The following ANXA1 variants were observed in gnomAD, a reference collection of about 807,000 sequenced individuals.
ANXA1 encodes annexin I (lipocortin I).
In ANXA1, 39 loss-of-function variants were observed where a neutral mutation model predicts 47.9. The observed-to-expected ratio is 0.81, with a 90% confidence interval of 0.63 to 1.06. ANXA1 has a LOEUF of 1.06. ANXA1 is among the 50% of genes least tolerant of loss of function. ANXA1 has a pLI of 0.00. For missense variants in ANXA1, 446 were observed against 422.7 expected (o/e 1.06, Z -0.48); for synonymous variants, 146 against 142.5 (o/e 1.02, Z -0.17).
At chr9:73,167,987 T>C (rs924733900) in intron 11 of ANXA1, 2 of 162,212 alleles carry the variant, frequency 1.2e-5, no homozygotes, top group African/African-American at 4.8e-5. Context: ...TGTCATTCTA[T>C]GATTAAGGAT....
intron 8 of ANXA1, among the ~76,000 whole-genome samples, chr9:73,164,683 CAG>C (rs1365815148): frequency 6.6e-6 from 1 of 152,072 alleles, no homozygotes; most frequent in Non-Finnish European, 1.5e-5. Flanking sequence ...TTTGAAATTG[CAG>C]AGTCAGAATT....
rs928127817 is a variant in ANXA1 at position 73,158,444 on chromosome 9, T to C, written c.-14-78T>C. 6.2e-5 allele frequency: 65 copies of C among 1,051,148 alleles called. 1 individual carries two copies. Among genetic ancestry groups the C allele is most frequent in the South Asian group, 7.9e-5 (6 of 76,338 alleles). 65.1% of individuals were successfully genotyped at this position (1,051,148 alleles called of 1,614,324 possible). ...GGCTACTCTCTAATGCTAACTCTTA[T>C]GTATGTAAGAGGTGAGGAAGGAGAG... On this transcript the variant is annotated intron_variant, in intron 1 of 12. Transcript: ENST00000257497.
intron 10 of ANXA1, among the ~76,000 whole-genome samples, chr9:73,167,080 C>T (rs1362258994): frequency 6.6e-6 from 1 of 152,040 alleles, no homozygotes; most frequent in African/African-American, 2.4e-5. Flanking sequence ...TGACCAATGC[C>T]CCTTCTCTCC....
chr9:73,163,357 A>C, intron 7 of ANXA1, 119 bp from the exon 8 acceptor site: 1 of 955,430 alleles, frequency 1.0e-6, no homozygotes, highest in South Asian at 1.6e-5. Context: ...TCCTTCTAGA[A>C]ATGAGTAATA....
chr9:73,168,141 G>C (rs1449313115), intron 11 of ANXA1: 1 of 151,882 alleles, frequency 6.6e-6, no homozygotes, highest in East Asian at 1.9e-4. Context: ...TTTCTTTGCA[G>C]CTCCAAAATA....
At chr9:73,166,345 AG>A (rs1238374930) in intron 10 of ANXA1, among the ~76,000 whole-genome samples, 153 bp downstream of exon 10, 1 of 152,196 alleles carries the variant, frequency 6.6e-6, no homozygotes, top group Non-Finnish European at 1.5e-5. Flanking sequence ...GCAACGTAAA[AG>A]ATTGGCAAAG....
chr9:73,159,908 A>C (rs1824109650), intron 4 of ANXA1: 1 of 163,108 alleles, frequency 6.1e-6, no homozygotes, highest in Non-Finnish European at 1.3e-5. Context: ...CAAACCTCAA[A>C]GATTGGAAAC....
At chr9:73,154,590 C>A (rs1393304069) in intron 1 of ANXA1, among the ~76,000 whole-genome samples, 1 of 152,112 alleles carries the variant, frequency 6.6e-6, no homozygotes, top group Non-Finnish European at 1.5e-5. Context: ...AGGTGCACAC[C>A]ACCATGCCTG....
intron 1 of ANXA1, among the ~76,000 whole-genome samples, chr9:73,152,715 G>C (rs1047081251): frequency 6.6e-6 from 1 of 152,122 alleles, no homozygotes; most frequent in Non-Finnish European, 1.5e-5. Flanking sequence ...ATTGTTGCAT[G>C]AGCTAATGGC....
intron 1 of ANXA1, 90 bp from the exon 2 acceptor site, chr9:73,158,432 T>C (rs1246491498): frequency 2.1e-6 from 2 of 962,618 alleles, no homozygotes; most frequent in East Asian, 5.0e-5. Flanking sequence ...TACTCTCTAA[T>C]GCTAACTCTT....
intron 11 of ANXA1, chr9:73,168,492 G>C (rs1348951864): frequency 1.3e-5 from 2 of 152,296 alleles, no homozygotes; most frequent in Admixed American, 1.3e-4. Flanking sequence ...GATAAAGCAA[G>C]GGTGGTCCAA....
chr9:73,152,313 G>A (rs1030442048), intron 1 of ANXA1, among the ~76,000 whole-genome samples: 1 of 152,094 alleles, frequency 6.6e-6, no homozygotes, highest in Non-Finnish European at 1.5e-5. Context: ...AATCGTGATG[G>A]GGGCTGCTTT....
intron 8 of ANXA1, among the ~76,000 whole-genome samples, 174 bp from the exon 9 acceptor site, chr9:73,164,942 T>A (rs1824202015): frequency 1.3e-5 from 2 of 152,170 alleles, no homozygotes; most frequent in Non-Finnish European, 2.9e-5. Context: ...TGGAAGATAT[T>A]TGACAAACAA....
At chr9:73,169,989 A>G in intron 12 of ANXA1, 62 bp from the exon 13 acceptor site, 2 of 1,042,294 alleles carry the variant, frequency 1.9e-6, no homozygotes, top group Non-Finnish European at 2.7e-6. Flanking sequence ...TTCTATAAGT[A>G]AAAAAAAATA....
chr9:73,162,078 C>G (rs1478257004), intron 6 of ANXA1, among the ~76,000 whole-genome samples: 1 of 152,084 alleles, frequency 6.6e-6, no homozygotes, highest in Non-Finnish European at 1.5e-5. Context: ...AGGTGCCAGG[C>G]TCTTTTCAAC....
chr9:73,164,400 A>G (rs1047768127), intron 8 of ANXA1, among the ~76,000 whole-genome samples: 8 of 152,174 alleles, frequency 5.3e-5, no homozygotes, highest in Non-Finnish European at 1.2e-4. Flanking sequence ...TTAAGGAACA[A>G]GAGTTAGCAT....
In ANXA1 at chr9:73,166,180, C is replaced by G; in HGVS notation, c.790C>G (p.Leu264Val). Residue 264 changes from leucine to valine, a missense_variant, in exon 10 of 13, where the codon CTC (leucine) becomes GTC (valine). By Grantham distance (32) the Leu-to-Val change is conservative. Coordinates refer to ENST00000257497, the MANE Select transcript of ANXA1 (RefSeq NM_000700.3). ...LELKGDIEKCLTAIVKCATSK... is the reference protein window; with the variant it reads ...LELKGDIEKCVTAIVKCATSK... ...GTTGAAAGGTGACATTGAGAAATGC[C>G]TCACAGCTATCGGTATGTAGTCCAG... 6.2e-7 allele frequency: 1 copy of G among 1,611,104 alleles called. No homozygotes were observed. The highest frequency in any genetic ancestry group is 8.5e-7 in the Non-Finnish European group (1 of 1,178,172).
chr9:73,160,223 T>C, intron 4 of ANXA1, 40 bp from the exon 5 acceptor site: 1 of 1,405,320 alleles, frequency 7.1e-7, no homozygotes, highest in African/African-American at 1.5e-5. Context: ...CCTAGCATGT[T>C]ACTTATTGGA....
intron 5 of ANXA1, 76 bp downstream of exon 5, chr9:73,160,452 T>A: frequency 2.9e-6 from 3 of 1,039,592 alleles, no homozygotes; most frequent in Non-Finnish European, 4.2e-6. Flanking sequence ...TATGTTATTT[T>A]CAAAATCTAG....
Sources: allele counts gnomAD v4.1 joint callset (sites outside exome capture counted in the v4.1 genomes callset), GRCh38; gene constraint gnomAD v4.1.1; transcripts MANE v1.5; gene names NCBI Gene and HGNC (gene_info 2026-07-23, HGNC 2026-07-21).